ANK2: variants seen among roughly 807,000 people sequenced by gnomAD.
ANK2 encodes ankyrin 2.
A neutral mutation model predicts 360.5 loss-of-function variants in ANK2; 83 were observed. The observed-to-expected ratio is 0.23, with a 90% CI of 0.19 to 0.28. The LOEUF (loss-of-function observed/expected upper bound fraction) is 0.28, where lower values mean the gene tolerates loss of function less well. Ranked by LOEUF, ANK2 falls within the 10% of genes least tolerant of loss-of-function variation. ANK2 has a pLI of 1.00. For missense variants in ANK2, 4,201 were observed against 4,795.7 expected (o/e 0.88, Z 3.66); for synonymous variants, 1,740 against 1,759.5 (o/e 0.99, Z 0.28).
intron 14 of ANK2, among the ~76,000 whole-genome samples, chr4:113,270,620 C>T (rs2058139012): frequency 6.6e-6 from 1 of 152,110 alleles, no homozygotes; most frequent in African/African-American, 2.4e-5. Context: ...TAAGCTACAA[C>T]TGAAATCCCT....
chr4:112,754,061 G>A, the ANK2 span, among the ~76,000 whole-genome samples: 2,854 of 143,972 alleles, frequency 0.02, 99 homozygotes, highest in African/African-American at 0.07. Context: ...TTACGCCACT[G>A]CACTCCAGCC....
intron 21 of ANK2, 41 bp from the exon 22 acceptor site, chr4:113,293,399 C>G: frequency 6.4e-7 from 1 of 1,565,746 alleles, no homozygotes; most frequent in Non-Finnish European, 8.8e-7. Flanking sequence ...TCGCAGTCCT[C>G]TCTCTTATTT....
At chr4:113,045,113 C>G (rs554382557), upstream of ANK2, among the ~76,000 whole-genome samples, 58 of 152,126 alleles carry the variant, frequency 3.8e-4, no homozygotes, top group Non-Finnish European at 6.9e-4. Context: ...AGGCTTTATA[C>G]TTCAGAGAAC....
At chr4:113,106,288 A>G (rs2093621159) in intron 1 of ANK2, among the ~76,000 whole-genome samples, 1 of 152,182 alleles carries the variant, frequency 6.6e-6, no homozygotes, top group African/African-American at 2.4e-5. Flanking sequence ...AAACTCCATT[A>G]GTTTCTGTGA....
intron 2 of ANK2, among the ~76,000 whole-genome samples, chr4:112,988,570 G>A (rs1375979697): frequency 6.6e-6 from 1 of 152,180 alleles, no homozygotes; most frequent in African/African-American, 2.4e-5. Flanking sequence ...CCAGTCCAAT[G>A]TAGTCACTTC....
intron 1 of ANK2, among the ~76,000 whole-genome samples, chr4:113,086,715 C>A (rs1247794042): frequency 1.3e-5 from 2 of 152,280 alleles, no homozygotes; most frequent in South Asian, 2.1e-4. Flanking sequence ...GCTCTTCAAA[C>A]TTGGGGAGTT....
chr4:113,024,749 T>A, intron 2 of ANK2, among the ~76,000 whole-genome samples: 1 of 152,152 alleles, frequency 6.6e-6, no homozygotes, highest in East Asian at 1.9e-4. Flanking sequence ...TATGAATTAT[T>A]GTTTGACGCT....
the ANK2 span, among the ~76,000 whole-genome samples, chr4:112,805,164 A>C: frequency 6.6e-6 from 1 of 152,198 alleles, no homozygotes; most frequent in Non-Finnish European, 1.5e-5. Context: ...GGCTGGGCTG[A>C]GTCAGACCAC....
Position 113,255,946 on chromosome 4 carries a change from A to G in ANK2, c.1188+14A>G. The G allele has an allele frequency of 6.2e-7, 1 of 1,612,628 alleles. No individual in the cohort carries two copies. Among genetic ancestry groups the G allele is most frequent in the Non-Finnish European group, 8.5e-7 (1 of 1,178,728 alleles). On this transcript the variant is annotated intron_variant, in intron 11 of 45. Coordinates refer to ENST00000357077, the MANE Select transcript of ANK2 (RefSeq NM_001148.6). ...GCCAGAGCCCTGGTAAACTTGGCCCAGTCCACATTAACTGAATACAGATTG... is the reference window on the plus strand; with the variant it reads ...GCCAGAGCCCTGGTAAACTTGGCCCGGTCCACATTAACTGAATACAGATTG...
In ANK2 at chr4:113,349,530, A is replaced by G. The variant is rs542072827; in HGVS notation, c.4405-698A>G. Among the ~76,000 whole-genome samples, 3 of 152,220 alleles carry G rather than the reference A, an allele frequency of 2.0e-5. No individual in the cohort carries two copies. The East Asian group carries it at 5.8e-4, about 29-fold the overall frequency. On this transcript the variant is annotated intron_variant, in intron 36 of 45. Transcript: ENST00000357077. ...GGGTGAGAGAGGTGACTATAGAAGC[A>G]CTGTCCTGCCGCACATAGCCATATA... is the stretch of plus-strand genomic sequence containing the variant.
At chr4:112,937,094 C>T (rs2093804354) in intron 2 of ANK2, among the ~76,000 whole-genome samples, 1 of 151,888 alleles carries the variant, frequency 6.6e-6, no homozygotes, top group Non-Finnish European at 1.5e-5. Context: ...GCCTGGCCTA[C>T]TTATAGTTTT....
intron 14 of ANK2, among the ~76,000 whole-genome samples, chr4:113,271,943 T>C (rs115675261): frequency 2.4e-3 from 369 of 152,298 alleles, no homozygotes; most frequent in African/African-American, 8.5e-3. Flanking sequence ...CACCAGAGCC[T>C]GACCATCTGG....
At chr4:112,867,896 T>G (rs1426081890) in intron 1 of ANK2, among the ~76,000 whole-genome samples, 1 of 152,214 alleles carries the variant, frequency 6.6e-6, no homozygotes, top group Non-Finnish European at 1.5e-5. Context: ...CATAACATTT[T>G]CATTTCTCTT....
intron 4 of ANK2, among the ~76,000 whole-genome samples, chr4:113,216,228 G>C (rs116056369): frequency 0.037 from 5,675 of 152,220 alleles, 128 homozygotes; most frequent in East Asian, 0.067. Flanking sequence ...GCAGTTTATT[G>C]TTACCTCCTG....
intron 45 of ANK2, 145 bp downstream of exon 45, chr4:113,373,594 T>TG (rs773020751): frequency 1.1e-6 from 1 of 876,110 alleles, no homozygotes; most frequent in African/African-American, 1.6e-5. Flanking sequence ...TTCACCTTTT[T>TG]GTTTTCATGA....
chr4:112,733,600 C>G, the ANK2 span, among the ~76,000 whole-genome samples: 12 of 152,052 alleles, frequency 7.9e-5, no homozygotes, highest in African/African-American at 2.4e-5. Context: ...TGATACAGAC[C>G]CAGCATCTAG....
intron 1 of ANK2, among the ~76,000 whole-genome samples, chr4:113,092,873 A>T (rs1251279773): frequency 6.6e-6 from 1 of 152,158 alleles, no homozygotes; most frequent in Non-Finnish European, 1.5e-5. Flanking sequence ...TGGAATTAGA[A>T]ATTTCTTTCA....
chr4:112,822,323 C>T (rs2057342056), intron 1 of ANK2, among the ~76,000 whole-genome samples: 1 of 147,116 alleles, frequency 6.8e-6, no homozygotes, highest in Non-Finnish European at 1.5e-5. Context: ...GAGACTGAGG[C>T]AGGAGAATCT....
intron 1 of ANK2, among the ~76,000 whole-genome samples, chr4:112,879,573 T>C (rs771525521): frequency 1.3e-5 from 2 of 152,174 alleles, no homozygotes; most frequent in African/African-American, 2.4e-5. Context: ...AAATAATAAA[T>C]GTTTGGGTTT....
Sources: allele counts gnomAD v4.1 joint callset (sites outside exome capture counted in the v4.1 genomes callset), GRCh38; gene constraint gnomAD v4.1.1; transcripts MANE v1.5; gene names NCBI Gene and HGNC (gene_info 2026-07-23, HGNC 2026-07-21).